The following ACO2 variants were observed in gnomAD, a reference collection of about 807,000 sequenced individuals.
The protein encoded by ACO2 is aconitate hydratase, mitochondrial.
In ACO2, 31 loss-of-function variants were observed where a neutral mutation model predicts 84.5. The observed-to-expected ratio is 0.37, with a 90% CI of 0.28 to 0.50. The LOEUF (loss-of-function observed/expected upper bound fraction) is 0.50. Among genes scored for constraint, ACO2 ranks in the 20% least tolerant of loss-of-function variants. ACO2 has a pLI of 0.97. For missense variants in ACO2, 685 were observed against 1,029.3 expected (o/e 0.67, Z 4.58); for synonymous variants, 414 against 412.7 (o/e 1.00, Z -0.04).
In ACO2 at chr22:41,526,342, C is replaced by T. The variant is rs1216726904; in HGVS notation, c.1842C>T (p.Ser614=). The T allele has an allele frequency of 5.0e-6, 8 of 1,613,264 alleles. No homozygotes were observed. Among genetic ancestry groups the T allele is most frequent in the Non-Finnish European group, 6.8e-6 (8 of 1,180,040 alleles). The change falls in exon 15 of 18, where the codon TCC becomes TCT. Residue 614 remains serine (S), a synonymous_variant. Transcript: ENST00000216254. ...TCCGTGGGCACTTGGATAACATCTC[C>T]AACAACCTGCTCATTGGTGCCATCA... is the stretch of plus-strand genomic sequence containing the variant. ...LKFRGHLDNI[S]NNLLIGAINI...
At chr22:41,525,098 G>C in intron 13 of ACO2, 95 bp from the exon 14 acceptor site, 4 of 1,594,030 alleles carry the variant, frequency 2.5e-6, no homozygotes, top group Non-Finnish European at 3.4e-6. Flanking sequence ...TTCCCTGGGA[G>C]GGGAGGTGGG....
chr22:41,500,010 A>T, intron 2 of ACO2, 148 bp downstream of exon 2: 1 of 1,000,814 alleles, frequency 1.0e-6, no homozygotes, highest in Non-Finnish European at 1.5e-6. Flanking sequence ...TGCTGAGGAA[A>T]GGCATTCCAG....
At chr22:41,512,924 C>A (rs893907463) in intron 4 of ACO2, among the ~76,000 whole-genome samples, 3 of 152,180 alleles carry the variant, frequency 2.0e-5, no homozygotes, top group East Asian at 1.9e-4. Context: ...CCCTTCCCCC[C>A]ACCTCCATCC....
Position 41,515,756 on chromosome 22 carries a change from C to G in ACO2, c.685-11C>G. The G allele has an allele frequency of 3.7e-6, 6 of 1,613,072 alleles. No homozygotes were observed. The highest frequency in any genetic ancestry group is 4.2e-6 in the Non-Finnish European group (5 of 1,179,944). On this transcript the variant is annotated splice_polypyrimidine_tract_variant and intron_variant, in intron 5 of 17. Coordinates refer to ENST00000216254, the MANE Select transcript of ACO2 (RefSeq NM_001098.3). This position sits in a 1 kb window ranked among gnomAD's most constrained non-coding sequence, Gnocchi z 5.8. ...CGGCCTCTCACAGCCGCCTCGCCCC[C>G]TCCTGTCCAGGTGATTGGCGTGAAG... is the stretch of plus-strand genomic sequence containing the variant.
chr22:41,469,428 G>T, intron 1 of ACO2: 3 of 466,952 alleles, frequency 6.4e-6, no homozygotes, highest in Non-Finnish European at 7.6e-6. Flanking sequence ...AGCGGCGGCC[G>T]GGTGAAGAGC....
intron 1 of ACO2, among the ~76,000 whole-genome samples, chr22:41,481,056 C>T (rs1049727866): frequency 2.0e-5 from 3 of 152,142 alleles, no homozygotes; most frequent in African/African-American, 7.2e-5. Flanking sequence ...TGGTGATCCA[C>T]CTGTCTCGGC....
chr22:41,472,301 C>T (rs2037954992), intron 1 of ACO2, among the ~76,000 whole-genome samples: 1 of 150,844 alleles, frequency 6.6e-6, no homozygotes, highest in East Asian at 2.0e-4. Flanking sequence ...TGCAGTAAGC[C>T]GAGATCGCGC....
intron 1 of ACO2, among the ~76,000 whole-genome samples, chr22:41,474,998 C>G (rs979741397): frequency 1.3e-4 from 20 of 151,914 alleles, no homozygotes; most frequent in African/African-American, 4.6e-4. Context: ...GGTGAGAAAG[C>G]CAGATGACGT....
chr22:41,497,260 G>C (rs940787843), intron 1 of ACO2, among the ~76,000 whole-genome samples: 1 of 151,800 alleles, frequency 6.6e-6, no homozygotes, highest in African/African-American at 2.4e-5. Flanking sequence ...GTAGAGACAG[G>C]GTTTCACCAC....
rs565943719 is a variant in ACO2, at chr22:41,492,916, C to T, written c.37-6810C>T. Reference sequence around the variant, plus strand: ...ACGAGATAGCGCCACTGTACTCCAACCTGGGCAACAAATGTGAAACTCCGT... The same window carrying T: ...ACGAGATAGCGCCACTGTACTCCAATCTGGGCAACAAATGTGAAACTCCGT... On this transcript the variant is annotated intron_variant, in intron 1 of 17. Coordinates refer to ENST00000216254, the MANE Select transcript of ACO2 (RefSeq NM_001098.3). Among the ~76,000 whole-genome samples the T allele has an allele frequency of 1.7e-3, 252 of 152,226 alleles. 4 individuals carry two copies. The highest frequency in any genetic ancestry group is 0.016 in the Admixed American group (245 of 15,280).
chr22:41,479,415 A>G (rs141516782), intron 1 of ACO2, among the ~76,000 whole-genome samples: 1 of 152,340 alleles, frequency 6.6e-6, no homozygotes, highest in East Asian at 1.9e-4. Context: ...CCTGTTTCAC[A>G]GTGATGAAAC....
rs764523122 is a variant in ACO2, at chr22:41,513,967, C to G, written c.526-1410C>G. On this transcript the variant is annotated intron_variant, in intron 4 of 17. Coordinates refer to ENST00000216254, the MANE Select transcript of ACO2 (RefSeq NM_001098.3). Reference sequence around the variant, plus strand: ...CCGTGTGGACCACAAGTGTCTACACCGTGTAGACCACCCCGAATTCTGTGT... The same window carrying G: ...CCGTGTGGACCACAAGTGTCTACACGGTGTAGACCACCCCGAATTCTGTGT... 2.6e-5 allele frequency among the ~76,000 whole-genome samples: 4 copies of G among 152,028 alleles called. No homozygotes were observed. The East Asian group carries it at 5.8e-4, about 22-fold the overall frequency.
chr22:41,519,829 A>G (rs1294348696), intron 8 of ACO2, among the ~76,000 whole-genome samples: 2 of 151,176 alleles, frequency 1.3e-5, no homozygotes, highest in Admixed American at 6.6e-5. Context: ...AAAGATTCCA[A>G]AAGCAACATC....
At chr22:41,478,716 T>G (rs562175788) in intron 1 of ACO2, among the ~76,000 whole-genome samples, 4 of 151,894 alleles carry the variant, frequency 2.6e-5, no homozygotes, top group Admixed American at 2.0e-4. Flanking sequence ...ACCAAAGAGG[T>G]ATCTAGAGTT....
intron 14 of ACO2, 106 bp from the exon 15 acceptor site, chr22:41,526,145 CTCACCCCTCTG>C (rs1206871114): frequency 7.0e-6 from 6 of 863,214 alleles, no homozygotes; most frequent in Admixed American, 2.5e-5. Context: ...TTGCCTGCCT[CTCACCCCTCTG>C]TCACCCCTCC....
chr22:41,518,208 G>C (rs978243986), intron 7 of ACO2, among the ~76,000 whole-genome samples: 1 of 152,202 alleles, frequency 6.6e-6, no homozygotes, highest in Non-Finnish European at 1.5e-5. Flanking sequence ...TTGAGTGACT[G>C]CTTCTTCAAA....
chr22:41,506,833 C>G (rs1268784003), intron 2 of ACO2, among the ~76,000 whole-genome samples: 1 of 151,986 alleles, frequency 6.6e-6, no homozygotes, highest in African/African-American at 2.4e-5. Flanking sequence ...TTTGAGAATT[C>G]TGGGGGGCAG....
intron 15 of ACO2, 123 bp from the exon 16 acceptor site, chr22:41,527,165 G>T: frequency 6.1e-6 from 9 of 1,465,252 alleles, no homozygotes; most frequent in Non-Finnish European, 8.5e-6. Context: ...GGCCCCTCCA[G>T]CCCCTTTACC....
intron 1 of ACO2, among the ~76,000 whole-genome samples, chr22:41,479,423 A>G (rs1321099173): frequency 6.6e-6 from 1 of 152,226 alleles, no homozygotes; most frequent in East Asian, 1.9e-4. Context: ...ACAGTGATGA[A>G]ACTGAGTCCC....
Sources: allele counts gnomAD v4.1 joint callset (sites outside exome capture counted in the v4.1 genomes callset), GRCh38; gene constraint gnomAD v4.1.1; non-coding constraint Gnocchi (gnomAD v3.1); transcripts MANE v1.5; gene names NCBI Gene and HGNC (gene_info 2026-07-23, HGNC 2026-07-21).